Variants in CACNA1D observed in about 807,000 individuals in gnomAD.
The protein encoded by CACNA1D is voltage-dependent L-type calcium channel subunit alpha-1D.
Under a neutral mutation model 257.1 loss-of-function variants are expected in CACNA1D, and 55 were observed. That is an observed-to-expected ratio of 0.21 (90% confidence interval 0.17 to 0.27). CACNA1D has a LOEUF of 0.27. Ranked by LOEUF, CACNA1D falls within the 10% of genes least tolerant of loss-of-function variation. The probability of loss-of-function intolerance (pLI) is 1.00; values close to 1 mark genes in which losing one functional copy is unlikely to be tolerated. For synonymous variants in CACNA1D, 980 were observed against 1,014.9 expected, an observed-to-expected ratio of 0.97 and a Z score of 0.65; for missense variants, 1,876 against 2,784.0, an observed-to-expected ratio of 0.67 and a Z score of 7.34.
At chr3:53,620,853 G>A (rs1214950974) in intron 3 of CACNA1D, among the ~76,000 whole-genome samples, 5 of 152,192 alleles carry the variant, frequency 3.3e-5, no homozygotes, top group Non-Finnish European at 7.3e-5. Flanking sequence ...GGAACTTTTA[G>A]CATCAGTTGA....
In CACNA1D at chr3:53,508,757, C is replaced by T. The variant is rs1204295649; in HGVS notation, c.483+7037C>T. Among the ~76,000 whole-genome samples, 3 of 152,158 alleles carry T rather than the reference C, an allele frequency of 2.0e-5. No individual in the cohort carries two copies. The East Asian group carries it at 5.8e-4, about 29-fold the overall frequency. On this transcript the variant is annotated intron_variant, in intron 3 of 47. Coordinates refer to ENST00000350061, the MANE Select transcript of CACNA1D (RefSeq NM_001128840.3). ...CAATACAGGGTGACAGCATGCCCAGCAGTAGAGACACTTGGGTGTTAAATA... is the reference window on the plus strand; with the variant it reads ...CAATACAGGGTGACAGCATGCCCAGTAGTAGAGACACTTGGGTGTTAAATA...
intron 3 of CACNA1D, among the ~76,000 whole-genome samples, chr3:53,567,645 A>T (rs965144650): frequency 6.6e-6 from 1 of 152,252 alleles, no homozygotes; most frequent in African/African-American, 2.4e-5. Context: ...CAGACAACAT[A>T]GCCACTCACC....
At position 53,800,485 on chromosome 3, in the gene CACNA1D, G is replaced by C. The variant is rs73843309; in HGVS notation, c.5040+120G>C. The C allele has an allele frequency of 3.2e-3, 2,564 of 800,440 alleles. 35 individuals carry two copies. The African/African-American group carries it at 0.036, about 11-fold the overall frequency. 49.6% of individuals were successfully genotyped at this position (800,440 alleles called of 1,614,324 possible). The stretch of plus-strand genomic sequence containing the variant: ...GAATGCAGCCCATCCCCAGGGCCTA[G>C]AGGGGCTTTCAGACCACACCCTCCC... On this transcript the variant is annotated intron_variant, in intron 41 of 47. Transcript: ENST00000350061. The surrounding 1 kb of genome is among the most constrained non-coding windows in gnomAD (Gnocchi z 4.3).
At chr3:53,642,599 G>A (rs991319352) in intron 3 of CACNA1D, among the ~76,000 whole-genome samples, 3 of 152,234 alleles carry the variant, frequency 2.0e-5, no homozygotes, top group Admixed American at 2.0e-4. Context: ...CTGCCGGTGA[G>A]GAGGAGAGCT....
chr3:53,766,205 A>G (rs1455597741), intron 30 of CACNA1D: 1 of 152,250 alleles, frequency 6.6e-6, no homozygotes, highest in East Asian at 1.9e-4. Context: ...TGCTGTTTGG[A>G]CCAGGTGGCT....
chr3:53,607,476 A>G (rs373800825), intron 3 of CACNA1D, among the ~76,000 whole-genome samples: 26 of 152,324 alleles, frequency 1.7e-4, no homozygotes, highest in African/African-American at 6.0e-4. Context: ...TGAGAACTCA[A>G]CCTGCTGACT....
intron 8 of CACNA1D, among the ~76,000 whole-genome samples, chr3:53,696,960 G>A (rs2094578648): frequency 6.6e-6 from 1 of 151,840 alleles, no homozygotes; most frequent in South Asian, 2.1e-4. Context: ...GGAGCAGAGA[G>A]GGAAGCAAGC....
chr3:53,696,779 G>A (rs935715193), intron 8 of CACNA1D, among the ~76,000 whole-genome samples: 1 of 152,116 alleles, frequency 6.6e-6, no homozygotes, highest in Non-Finnish European at 1.5e-5. Flanking sequence ...AGTATAAGGT[G>A]TGCATTTATA....
intron 7 of CACNA1D, 86 bp downstream of exon 7, chr3:53,666,621 G>T: frequency 1.8e-6 from 2 of 1,107,940 alleles, no homozygotes; most frequent in East Asian, 2.4e-5. Context: ...AGAGGTGGCT[G>T]GAAAAGAAAC....
chr3:53,567,731 A>G (rs2092871503), intron 3 of CACNA1D, among the ~76,000 whole-genome samples: 3 of 152,254 alleles, frequency 2.0e-5, no homozygotes, highest in Admixed American at 2.0e-4. Context: ...TAAATACTTT[A>G]TTGCAATGAA....
intron 3 of CACNA1D, among the ~76,000 whole-genome samples, chr3:53,586,487 G>A (rs1210471992): frequency 6.6e-6 from 1 of 151,898 alleles, no homozygotes; most frequent in Admixed American, 6.6e-5. Context: ...ATAAGAGCAG[G>A]TATCTTTAAA....
intron 3 of CACNA1D, among the ~76,000 whole-genome samples, chr3:53,510,160 A>G (rs1482607216): frequency 6.6e-6 from 1 of 152,272 alleles, no homozygotes; most frequent in African/African-American, 2.4e-5. Context: ...CAGATAAAGT[A>G]ACAAACCCCT....
chr3:53,584,402 T>C (rs928717928), intron 3 of CACNA1D, among the ~76,000 whole-genome samples: 2 of 152,192 alleles, frequency 1.3e-5, no homozygotes, highest in African/African-American at 4.8e-5. Context: ...TCCTGATTCC[T>C]CCCTTCTGGG....
chr3:53,629,700 A>G (rs1300786664), intron 3 of CACNA1D, among the ~76,000 whole-genome samples: 1 of 152,148 alleles, frequency 6.6e-6, no homozygotes, highest in East Asian at 1.9e-4. Context: ...TGCTGCTGCC[A>G]CACACCATTT....
At position 53,512,341 on chromosome 3, in the gene CACNA1D, G is replaced by A. The variant is rs185360819; in HGVS notation, c.483+10621G>A. On this transcript the variant is annotated intron_variant, in intron 3 of 47. Coordinates refer to ENST00000350061, the MANE Select transcript of CACNA1D (RefSeq NM_001128840.3). The stretch of plus-strand genomic sequence containing the variant: ...TCTTTTCCTAGACATCCATGGGTTG[G>A]TACTAGTGTGGTGGGGTAGAGAAAG... 9.9e-5 allele frequency among the ~76,000 whole-genome samples: 15 copies of A among 152,284 alleles called. No individual in the cohort carries two copies. The East Asian group carries it at 2.9e-3, about 29-fold the overall frequency.
At chr3:53,805,307 T>C in intron 45 of CACNA1D, 161 bp downstream of exon 45, 1 of 674,144 alleles carries the variant, frequency 1.5e-6, no homozygotes, top group South Asian at 1.7e-5. Context: ...CTTTCCTTCC[T>C]TTCTCATCCA....
At chr3:53,768,918 G>A (rs931776117) in intron 30 of CACNA1D, among the ~76,000 whole-genome samples, 5 of 152,192 alleles carry the variant, frequency 3.3e-5, no homozygotes, top group African/African-American at 4.8e-5. Context: ...TACAGAAAGC[G>A]TCCTTGAAGC....
chr3:53,713,983 G>A (rs1370577697), intron 9 of CACNA1D, among the ~76,000 whole-genome samples: 2 of 152,196 alleles, frequency 1.3e-5, no homozygotes, highest in African/African-American at 4.8e-5. Flanking sequence ...GGAATAGATT[G>A]CAAAATATAG....
chr3:53,520,678 A>G (rs947672275), intron 3 of CACNA1D, among the ~76,000 whole-genome samples: 6 of 152,164 alleles, frequency 3.9e-5, no homozygotes, highest in African/African-American at 1.4e-4. Flanking sequence ...AAGCCGGAGA[A>G]TCGCTTGAAC....
Sources: allele counts gnomAD v4.1 joint callset (sites outside exome capture counted in the v4.1 genomes callset), GRCh38; gene constraint gnomAD v4.1.1; non-coding constraint Gnocchi (gnomAD v3.1); transcripts MANE v1.5; gene names NCBI Gene and HGNC (gene_info 2026-07-23, HGNC 2026-07-21).